The following JAKMIP3 variants were observed in gnomAD, a reference collection of about 807,000 sequenced individuals.
JAKMIP3 encodes the protein janus kinase and microtubule-interacting protein 3.
In JAKMIP3, 58 loss-of-function variants were observed where a neutral mutation model predicts 118.5. That is an observed-to-expected ratio of 0.49 (90% confidence interval 0.40 to 0.61). The LOEUF is 0.61. Among genes scored for constraint, JAKMIP3 ranks in the 20% least tolerant of loss-of-function variants. The pLI, the probability that JAKMIP3 is intolerant of heterozygous loss-of-function variation, is 0.00. For synonymous variants in JAKMIP3, 486 were observed against 451.2 expected (o/e 1.08, Z -0.98); for missense variants, 950 against 1,109.0 (o/e 0.86, Z 2.04).
rs529522185 is a variant in JAKMIP3, at chr10:132,053,772, C to T, written c.-138+17034C>T. 3.0e-4 allele frequency among the ~76,000 whole-genome samples: 46 copies of T among 152,198 alleles called. No homozygotes were observed. The East Asian group carries it at 3.3e-3, about 11-fold the overall frequency. ...TGGCCACTGCAGGTGTGGTGGCTCA[C>T]GCCTGTAATCCCAGCACTTTGGGAG... On this transcript the variant is annotated intron_variant, in intron 1 of 23. Transcript: ENST00000657785.
At chr10:132,148,804 G>A (rs1367946994) in intron 14 of JAKMIP3, among the ~76,000 whole-genome samples, 2 of 152,224 alleles carry the variant, frequency 1.3e-5, no homozygotes, top group Non-Finnish European at 2.9e-5. Flanking sequence ...CTGTGGGGCT[G>A]GGAGGAAGTG....
At chr10:132,061,364 A>G (rs2038393711), upstream of JAKMIP3, among the ~76,000 whole-genome samples, 1 of 152,244 alleles carries the variant, frequency 6.6e-6, no homozygotes, top group African/African-American at 2.4e-5. Context: ...GGGAAAAGCT[A>G]TATAATTTCG....
At chr10:132,071,620 GTA>G (rs2039863614) in intron 1 of JAKMIP3, among the ~76,000 whole-genome samples, 1 of 152,154 alleles carries the variant, frequency 6.6e-6, no homozygotes, top group Non-Finnish European at 1.5e-5. Flanking sequence ...TTTGTTGTAT[GTA>G]TTTGGGGTAC....
At chr10:132,096,436 C>T (rs888783197) in intron 1 of JAKMIP3, among the ~76,000 whole-genome samples, 2 of 152,162 alleles carry the variant, frequency 1.3e-5, no homozygotes, top group South Asian at 2.1e-4. Context: ...TGCCCTTGAG[C>T]CCTGGAGCCG....
chr10:132,162,756 G>A (rs1238259563), intron 19 of JAKMIP3, among the ~76,000 whole-genome samples: 2 of 150,196 alleles, frequency 1.3e-5, no homozygotes, highest in African/African-American at 4.9e-5. Flanking sequence ...ATGAAAAGGT[G>A]TGTATTTTGG....
intron 1 of JAKMIP3, among the ~76,000 whole-genome samples, chr10:132,069,906 C>A (rs11146144): frequency 6.6e-6 from 1 of 152,150 alleles, no homozygotes. Context: ...GCATAGGGCA[C>A]AATGGGAGCA....
chr10:132,149,154 C>T (rs1262816228), intron 14 of JAKMIP3, among the ~76,000 whole-genome samples: 1 of 152,110 alleles, frequency 6.6e-6, no homozygotes, highest in Non-Finnish European at 1.5e-5. Context: ...TGGGACTGCC[C>T]AGGCCACGTG....
At chr10:132,145,415 C>A in intron 12 of JAKMIP3, 103 bp from the exon 13 acceptor site, 2 of 1,182,094 alleles carry the variant, frequency 1.7e-6, no homozygotes, top group Non-Finnish European at 2.4e-6. Flanking sequence ...GGCTTTGCCA[C>A]GCTGGCCAGA....
chr10:132,053,067 G>A (rs2038143566), intron 1 of JAKMIP3, among the ~76,000 whole-genome samples: 1 of 152,152 alleles, frequency 6.6e-6, no homozygotes, highest in Non-Finnish European at 1.5e-5. Context: ...ATGTTTGTGG[G>A]GTTTCTCTGA....
intron 11 of JAKMIP3, among the ~76,000 whole-genome samples, chr10:132,142,313 G>T (rs1301530034): frequency 6.6e-6 from 1 of 152,216 alleles, no homozygotes; most frequent in Non-Finnish European, 1.5e-5. Context: ...GGGGAGGCGG[G>T]GTGGTAGTGG....
At chr10:132,103,482 A>C (rs116013929) in intron 1 of JAKMIP3, among the ~76,000 whole-genome samples, 1 of 51,142 alleles carries the variant, frequency 2.0e-5, no homozygotes, top group Non-Finnish European at 3.7e-5. Flanking sequence ...CTGGAGGGGA[A>C]GAGCACCTGG....
In JAKMIP3 at chr10:132,179,639, G is replaced by A. The variant is rs1184947112; in HGVS notation, c.*1104-2718G>A. On this transcript the variant is annotated intron_variant, in intron 23 of 23. Transcript: ENST00000684848. The surrounding 1 kb of genome is among the most constrained non-coding windows in gnomAD (Gnocchi z 4.3). Reference sequence around the variant, plus strand: ...GAAAGCAGATGTTCTGGGGGTCCCCGAGACCACCTGCATCTCTGGGGACTC... The same window carrying A: ...GAAAGCAGATGTTCTGGGGGTCCCCAAGACCACCTGCATCTCTGGGGACTC... 4.0e-5 allele frequency among the ~76,000 whole-genome samples: 6 copies of A among 151,146 alleles called. No individual in the cohort carries two copies. The highest frequency in any genetic ancestry group is 2.1e-4 in the South Asian group (1 of 4,766).
chr10:132,130,379 A>G (rs1375502961), intron 3 of JAKMIP3, among the ~76,000 whole-genome samples: 1 of 152,254 alleles, frequency 6.6e-6, no homozygotes, highest in East Asian at 1.9e-4. Flanking sequence ...TATCTCTAGC[A>G]CATCCGCTGG....
rs1186810345 is a variant in JAKMIP3, at chr10:132,180,728, TGC to T, written c.*1104-1627_*1104-1626del. On this transcript the variant is annotated intron_variant, in intron 23 of 23. Coordinates refer to ENST00000684848, the MANE Select transcript of JAKMIP3 (RefSeq NM_001323087.2). Reference sequence around the variant, plus strand: ...GTGTGCGCGTGTGTGTGCGTGTGTGTGCGTGTGTGCGTGCGTGCGCGCGCGTG... The same window carrying T: ...GTGTGCGCGTGTGTGTGCGTGTGTGTGTGTGTGCGTGCGTGCGCGCGCGTG... 0.051 allele frequency among the ~76,000 whole-genome samples: 1,005 copies of T among 19,798 alleles called. 216 individuals carry two copies. The East Asian group carries it at 0.51, about 10-fold the overall frequency. 13.0% of individuals were successfully genotyped at this position (19,798 alleles called of 152,430 possible).
chr10:132,048,203 G>A (rs1346418100), intron 1 of JAKMIP3, among the ~76,000 whole-genome samples: 1 of 152,232 alleles, frequency 6.6e-6, no homozygotes, highest in Admixed American at 6.5e-5. Flanking sequence ...TCTCCTCGGG[G>A]AAGGGGCTTC....
intron 3 of JAKMIP3, among the ~76,000 whole-genome samples, chr10:132,126,918 C>T (rs986227389): frequency 3.3e-5 from 5 of 151,976 alleles, no homozygotes; most frequent in African/African-American, 1.2e-4. Flanking sequence ...AATGTCCTTG[C>T]CAAGTTATGG....
chr10:132,039,158 A>AT (rs759893927), intron 1 of JAKMIP3, among the ~76,000 whole-genome samples: 3 of 152,260 alleles, frequency 2.0e-5, no homozygotes, highest in Non-Finnish European at 4.4e-5. Flanking sequence ...ATATTTAAAC[A>AT]TTTTTTTAAT....
At chr10:132,149,199 G>A (rs1054187921) in intron 14 of JAKMIP3, among the ~76,000 whole-genome samples, 1 of 152,102 alleles carries the variant, frequency 6.6e-6, no homozygotes, top group Non-Finnish European at 1.5e-5. Flanking sequence ...GGCACATCTG[G>A]GGTCAGCGAA....
chr10:132,146,465 C>CT (rs2054629144), intron 13 of JAKMIP3, among the ~76,000 whole-genome samples: 1 of 152,086 alleles, frequency 6.6e-6, no homozygotes, highest in African/African-American at 2.4e-5. Flanking sequence ...GCGGGGCTGG[C>CT]TACGGGTCCA....
Sources: allele counts gnomAD v4.1 joint callset (sites outside exome capture counted in the v4.1 genomes callset), GRCh38; gene constraint gnomAD v4.1.1; non-coding constraint Gnocchi (gnomAD v3.1); transcripts MANE v1.5; gene names NCBI Gene and HGNC (gene_info 2026-07-23, HGNC 2026-07-21).